Variants in TASP1 observed in about 807,000 individuals in gnomAD.
The protein encoded by TASP1 is taspase 1, also known as threonine aspartase 1.
In TASP1, 16 loss-of-function variants were observed where a neutral mutation model predicts 56.6. The observed-to-expected ratio is 0.28, with a 90% CI of 0.19 to 0.43. The LOEUF (loss-of-function observed/expected upper bound fraction) is 0.43, where lower values mean the gene tolerates loss of function less well. Ranked by LOEUF, TASP1 falls within the 20% of genes least tolerant of loss-of-function variation. The pLI is 1.00. For synonymous variants in TASP1, 179 were observed against 184.2 expected (o/e 0.97, Z 0.23); for missense variants, 393 against 511.6 (o/e 0.77, Z 2.24).
At chr20:13,281,207 C>T in the TASP1 span, among the ~76,000 whole-genome samples, 4 of 152,276 alleles carry the variant, frequency 2.6e-5, no homozygotes, top group Middle Eastern at 0.014. Flanking sequence ...AGTCTGTCCC[C>T]AGAACAGATC....
intron 10 of TASP1, among the ~76,000 whole-genome samples, chr20:13,520,656 A>C (rs185838736): frequency 3.3e-5 from 5 of 152,326 alleles, no homozygotes; most frequent in Non-Finnish European, 5.9e-5. Flanking sequence ...GTTAGACCTG[A>C]AACCATAAAA....
chr20:13,390,492 G>T, intron 13 of TASP1, 40 bp from the exon 14 acceptor site: 2 of 1,588,932 alleles, frequency 1.3e-6, no homozygotes, highest in Non-Finnish European at 1.7e-6. Context: ...AGAGGGGTCA[G>T]CGGTGTCCCT....
At chr20:13,438,592 T>C (rs376912454) in intron 11 of TASP1, among the ~76,000 whole-genome samples, 3 of 152,220 alleles carry the variant, frequency 2.0e-5, no homozygotes, top group Admixed American at 2.0e-4. Flanking sequence ...GACATAGCCA[T>C]GGGCAAGGAC....
At chr20:13,188,054 C>G in the TASP1 span, among the ~76,000 whole-genome samples, 3 of 152,120 alleles carry the variant, frequency 2.0e-5, no homozygotes, top group Non-Finnish European at 2.9e-5. Flanking sequence ...CTAGCTTGCC[C>G]TATTTCCTTT....
chr20:13,386,533 T>C (rs943752569), downstream of TASP1, among the ~76,000 whole-genome samples: 1 of 152,146 alleles, frequency 6.6e-6, no homozygotes, highest in African/African-American at 2.4e-5. Flanking sequence ...AATCTCAAGA[T>C]TCAAGAATGA....
At chr20:13,250,355 G>T in the TASP1 span, among the ~76,000 whole-genome samples, 1 of 152,198 alleles carries the variant, frequency 6.6e-6, no homozygotes, top group African/African-American at 2.4e-5. Flanking sequence ...GCTCAGAGTC[G>T]ATTCAGCTTG....
intron 12 of TASP1, among the ~76,000 whole-genome samples, chr20:13,430,905 T>G (rs543209497): frequency 2.6e-5 from 4 of 152,196 alleles, no homozygotes; most frequent in Non-Finnish European, 5.9e-5. Context: ...GGAGCTCTGA[T>G]AACTAATGTA....
At chr20:13,124,943 A>G in the TASP1 span, among the ~76,000 whole-genome samples, 2 of 152,228 alleles carry the variant, frequency 1.3e-5, no homozygotes, top group East Asian at 1.9e-4. Flanking sequence ...AGGAAGACAT[A>G]GCGAAGACAC....
the TASP1 span, among the ~76,000 whole-genome samples, chr20:13,179,406 C>CATGTGTGTGTGTGT: frequency 1.1e-4 from 16 of 143,514 alleles, no homozygotes; most frequent in Admixed American, 4.2e-4. Flanking sequence ...GAATTATGTG[C>CATGTGTGTGTGTGT]GTGTGTGTGT....
chr20:13,277,753 G>C, the TASP1 span, among the ~76,000 whole-genome samples: 1 of 151,686 alleles, frequency 6.6e-6, no homozygotes, highest in African/African-American at 2.4e-5. Context: ...GGTAAAGCTA[G>C]TAGTGCCCTT....
intron 8 of TASP1, among the ~76,000 whole-genome samples, chr20:13,547,033 T>G (rs1228053694): frequency 1.3e-5 from 2 of 152,200 alleles, no homozygotes; most frequent in Non-Finnish European, 2.9e-5. Flanking sequence ...GAAATATCAT[T>G]ATATGGGTTT....
the TASP1 span, among the ~76,000 whole-genome samples, chr20:13,375,036 C>A: frequency 2.0e-5 from 3 of 152,174 alleles, no homozygotes; most frequent in African/African-American, 7.2e-5. Flanking sequence ...AATTACTCAG[C>A]AGTATAATTG....
intron 4 of TASP1, among the ~76,000 whole-genome samples, chr20:13,617,585 G>A (rs2048567000): frequency 6.6e-6 from 1 of 152,124 alleles, no homozygotes; most frequent in Non-Finnish European, 1.5e-5. Context: ...TGGGGAAAGA[G>A]CAAGGGACCA....
rs752040376 is a variant in TASP1 at position 13,534,091 on chromosome 20, G to A, written c.726C>T (p.His242=). Residue 242 remains histidine, a synonymous_variant, in exon 9 of 14, where the codon CAC becomes CAT. Transcript: ENST00000337743. ...LDTVGAVVVD[H]EGNVAAAVSS... is the part of the protein sequence containing the mutation. Reference sequence around the variant, plus strand: ...AGACAGCAGCAGCAACATTCCCTTCGTGGTCCACAACCACAGCGCCTACCG... The same window carrying A: ...AGACAGCAGCAGCAACATTCCCTTCATGGTCCACAACCACAGCGCCTACCG... 44 of 1,613,456 alleles carry A rather than the reference G, an allele frequency of 2.7e-5. No individual in the cohort carries two copies. In the South Asian group the frequency reaches 3.4e-4, roughly 12 times the overall value.
At chr20:13,309,930 G>A in the TASP1 span, among the ~76,000 whole-genome samples, 1 of 151,988 alleles carries the variant, frequency 6.6e-6, no homozygotes, top group Non-Finnish European at 1.5e-5. Flanking sequence ...ATCAATGAAA[G>A]AAACTGAATA....
At chr20:13,404,047 T>G (rs6105087) in intron 13 of TASP1, among the ~76,000 whole-genome samples, 1 of 152,018 alleles carries the variant, frequency 6.6e-6, no homozygotes, top group African/African-American at 2.4e-5. Context: ...CTAAGGAGAA[T>G]ATTTTCCACA....
chr20:13,460,169 C>T (rs1164561239), intron 11 of TASP1, among the ~76,000 whole-genome samples: 1 of 152,170 alleles, frequency 6.6e-6, no homozygotes, highest in African/African-American at 2.4e-5. Context: ...ATCACCACCA[C>T]AGGGTGCTAG....
At chr20:13,538,802 G>A (rs2045511564) in intron 8 of TASP1, among the ~76,000 whole-genome samples, 1 of 152,112 alleles carries the variant, frequency 6.6e-6, no homozygotes, top group Non-Finnish European at 1.5e-5. Context: ...CAGCACTTTG[G>A]GACGCCAAGG....
chr20:13,304,679 G>C, the TASP1 span, among the ~76,000 whole-genome samples: 35,781 of 152,066 alleles, frequency 0.24, 4,431 homozygotes, highest in East Asian at 0.34. Flanking sequence ...GGTGATCTTG[G>C]GGGAATCAGT....
Sources: allele counts gnomAD v4.1 joint callset (sites outside exome capture counted in the v4.1 genomes callset), GRCh38; gene constraint gnomAD v4.1.1; transcripts MANE v1.5; gene names NCBI Gene and HGNC (gene_info 2026-07-23, HGNC 2026-07-21).